The following LIPA variants were observed in gnomAD, a reference collection of about 807,000 sequenced individuals.
LIPA encodes lipase A, lysosomal acid type, also known as lysosomal acid lipase/cholesteryl ester hydrolase.
Under a neutral mutation model 40.6 loss-of-function variants are expected in LIPA, and 26 were observed. That is an observed-to-expected ratio of 0.64 (90% CI 0.47 to 0.89). The LOEUF (loss-of-function observed/expected upper bound fraction) is 0.89. Ranked by LOEUF, LIPA falls within the 40% of genes least tolerant of loss-of-function variation. LIPA has a pLI of 0.00. For missense variants in LIPA, 455 were observed against 479.6 expected, an observed-to-expected ratio of 0.95 and a Z score of 0.48; for synonymous variants, 188 against 168.4, an observed-to-expected ratio of 1.12 and a Z score of -0.90.
At chr10:89,235,525 C>T (rs113064729) in intron 3 of LIPA, among the ~76,000 whole-genome samples, 25 of 152,194 alleles carry the variant, frequency 1.6e-4, no homozygotes, top group East Asian at 1.9e-4. Flanking sequence ...AGCCAGGAGG[C>T]GATTACTCAA....
chr10:89,331,846 G>A (rs1215249028), intron 1 of LIPA, among the ~76,000 whole-genome samples: 5 of 133,538 alleles, frequency 3.7e-5, no homozygotes, highest in Non-Finnish European at 3.1e-5. Flanking sequence ...ATGACAGAGT[G>A]AGATCCTGTC....
chr10:89,388,184 C>A lies in LIPA; in HGVS notation c.61+24607G>T, dbSNP rs533772682. ...GCAGTGGCATGATCTCAGCTCACTG[C>A]AATCTCCGCCTCCTGGGTTCAAGTG... On this transcript the variant is annotated intron_variant, in intron 2 of 8. Coordinates refer to the LIPA transcript ENST00000371837. Among the ~76,000 whole-genome samples, 9 of 152,260 alleles carry A rather than the reference C, an allele frequency of 5.9e-5. No homozygotes were observed. In the East Asian group the frequency reaches 1.7e-3, roughly 29 times the overall value.
intron 1 of LIPA, among the ~76,000 whole-genome samples, chr10:89,413,525 A>T (rs1841495039): frequency 6.6e-6 from 1 of 152,138 alleles, no homozygotes; most frequent in Admixed American, 6.5e-5. Context: ...TGGGCGGAAC[A>T]ATATTTAAGG....
At chr10:89,399,746 C>T (rs1037083888) in intron 2 of LIPA, among the ~76,000 whole-genome samples, 3 of 152,076 alleles carry the variant, frequency 2.0e-5, no homozygotes, top group Non-Finnish European at 2.9e-5. Context: ...AGCCTTAACC[C>T]TCTTATGTTG....
At chr10:89,234,130 T>C (rs1394613225) in intron 3 of LIPA, among the ~76,000 whole-genome samples, 1 of 152,204 alleles carries the variant, frequency 6.6e-6, no homozygotes, top group Non-Finnish European at 1.5e-5. Context: ...GAGACAGATG[T>C]TTCCACAAAG....
chr10:89,292,690 G>A (rs984416316), intron 1 of LIPA, among the ~76,000 whole-genome samples: 6 of 152,044 alleles, frequency 3.9e-5, no homozygotes, highest in African/African-American at 1.2e-4. Flanking sequence ...ACCTAGTCAC[G>A]TTCTGTCACA....
intron 3 of LIPA, among the ~76,000 whole-genome samples, chr10:89,229,472 C>G (rs192769212): frequency 2.0e-5 from 3 of 152,092 alleles, no homozygotes; most frequent in African/African-American, 7.2e-5. Flanking sequence ...CTGTAGTGGC[C>G]GGGTGTGGTG....
intron 2 of LIPA, among the ~76,000 whole-genome samples, chr10:89,367,479 A>G (rs1192544735): frequency 1.3e-5 from 2 of 152,236 alleles, no homozygotes; most frequent in Non-Finnish European, 2.9e-5. Flanking sequence ...GTTTCCCATT[A>G]CTGGCTCATC....
chr10:89,237,262 G>C (rs1684611346), intron 3 of LIPA, among the ~76,000 whole-genome samples: 1 of 152,130 alleles, frequency 6.6e-6, no homozygotes, highest in Admixed American at 6.5e-5. Context: ...CTTGGTGACA[G>C]AGCAAGATGC....
chr10:89,360,972 C>T (rs981152154), intron 2 of LIPA, among the ~76,000 whole-genome samples: 8 of 152,122 alleles, frequency 5.3e-5, no homozygotes, highest in Admixed American at 3.3e-4. Flanking sequence ...GGCATCCTTC[C>T]TTGTGTTTTT....
intron 6 of LIPA, 91 bp downstream of exon 6, chr10:89,225,001 G>A (rs1842748214): frequency 2.1e-6 from 3 of 1,455,134 alleles, no homozygotes; most frequent in Admixed American, 3.3e-5. Flanking sequence ...CGCAGGGGAG[G>A]AAGGCACAGA....
chr10:89,392,077 T>C (rs1367316578), intron 2 of LIPA, among the ~76,000 whole-genome samples: 1 of 152,216 alleles, frequency 6.6e-6, no homozygotes, highest in Admixed American at 6.5e-5. Flanking sequence ...GAAGGCTTTC[T>C]AGGTATTGGT....
intron 1 of LIPA, among the ~76,000 whole-genome samples, chr10:89,282,408 C>G (rs1231061804): frequency 6.6e-6 from 1 of 152,088 alleles, no homozygotes; most frequent in South Asian, 2.1e-4. Context: ...GAGGCTGAGG[C>G]AGGCAGATTA....
intron 1 of LIPA, among the ~76,000 whole-genome samples, chr10:89,291,086 A>G (rs1344716381): frequency 6.6e-6 from 1 of 151,684 alleles, no homozygotes; most frequent in Non-Finnish European, 1.5e-5. Context: ...ATGTAGGATG[A>G]CTTCTCGGTC....
chr10:89,269,649 T>C (rs747502631), intron 1 of LIPA, among the ~76,000 whole-genome samples: 15 of 152,190 alleles, frequency 9.9e-5, no homozygotes, highest in Non-Finnish European at 1.9e-4. Context: ...TGTTCCTCTT[T>C]TGGGGAAATT....
At chr10:89,378,664 G>A (rs1026947699) in intron 2 of LIPA, among the ~76,000 whole-genome samples, 3 of 152,198 alleles carry the variant, frequency 2.0e-5, no homozygotes, top group African/African-American at 7.2e-5. Context: ...GAGTTTTGGA[G>A]TTAATAAAGT....
At chr10:89,263,677 G>A (rs1182697237) in intron 1 of LIPA, among the ~76,000 whole-genome samples, 1 of 152,256 alleles carries the variant, frequency 6.6e-6, no homozygotes, top group Non-Finnish European at 1.5e-5. Context: ...AGAAGCCTGT[G>A]TGGCTGTTGG....
At chr10:89,384,279 TC>T (rs777765151) in intron 2 of LIPA, 1 of 1,614,220 alleles carries the variant, frequency 6.2e-7, no homozygotes, top group Non-Finnish European at 8.5e-7. Flanking sequence ...ACAGATTGGT[TC>T]AATTGGCTAT....
intron 1 of LIPA, among the ~76,000 whole-genome samples, chr10:89,289,093 G>T (rs938417510): frequency 6.6e-6 from 1 of 152,190 alleles, no homozygotes; most frequent in African/African-American, 2.4e-5. Flanking sequence ...GTCCTTCACG[G>T]CCAGTTTTTC....
Sources: gnomAD v4.1 joint callset for allele counts (sites outside exome capture counted in the v4.1 genomes callset) on GRCh38, gnomAD v4.1.1 for gene constraint, MANE v1.5 for transcripts, NCBI Gene and HGNC (gene_info 2026-07-23, HGNC 2026-07-21) for gene names.